The following CAND2 variants were observed in gnomAD, a reference collection of about 807,000 sequenced individuals.
CAND2 encodes cullin associated and neddylation dissociated 2 (putative).
CAND2 carries 62 observed loss-of-function variants against 98.9 expected under a neutral mutation model. That is an observed-to-expected ratio of 0.63 (90% CI 0.51 to 0.77). CAND2 has a LOEUF of 0.77. Ranked by LOEUF, CAND2 falls within the 30% of genes least tolerant of loss-of-function variation. The pLI, the probability that CAND2 is intolerant of heterozygous loss-of-function variation, is 0.00. For missense variants in CAND2, 1,501 were observed against 1,655.2 expected, an observed-to-expected ratio of 0.91 and a Z score of 1.62; for synonymous variants, 770 against 731.9, an observed-to-expected ratio of 1.05 and a Z score of -0.84.
chr3:12,831,721 A>C, intron 14 of CAND2, 149 bp downstream of exon 14: 1 of 593,306 alleles, frequency 1.7e-6, no homozygotes, highest in Non-Finnish European at 3.0e-6. Flanking sequence ...CCTATAAAGT[A>C]CCTCTTATTA....
intron 10 of CAND2, among the ~76,000 whole-genome samples, chr3:12,818,481 T>G (rs2061928257): frequency 6.6e-6 from 1 of 152,242 alleles, no homozygotes; most frequent in Admixed American, 6.5e-5. Flanking sequence ...TGGAGAGGGC[T>G]GGGCAAGAAC....
intron 11 of CAND2, 88 bp from the exon 12 acceptor site, chr3:12,825,382 G>C: frequency 2.3e-6 from 3 of 1,325,988 alleles, no homozygotes; most frequent in South Asian, 1.4e-5. Context: ...TTCTGCACGT[G>C]CACAGTAACC....
At chr3:12,797,643 T>C (rs559358769) in intron 1 of CAND2, among the ~76,000 whole-genome samples, 3 of 152,290 alleles carry the variant, frequency 2.0e-5, no homozygotes, top group Admixed American at 1.3e-4. Flanking sequence ...TGGCCCGTGG[T>C]CTCATGGCCA....
chr3:12,798,686 C>A (rs2061744065), intron 1 of CAND2, among the ~76,000 whole-genome samples: 1 of 152,180 alleles, frequency 6.6e-6, no homozygotes. Context: ...AGGGAGTTGG[C>A]CCTGCCAGCT....
intron 5 of CAND2, among the ~76,000 whole-genome samples, chr3:12,812,343 C>T (rs369542035): frequency 1.3e-5 from 2 of 150,760 alleles, no homozygotes; most frequent in Non-Finnish European, 3.0e-5. Flanking sequence ...CCTGCCTCAG[C>T]CTCCTGAATA....
At position 12,816,299 on chromosome 3, in the gene CAND2, C is replaced by A. The variant is rs1575772220; in HGVS notation, c.1442-75C>A. 5 of 1,433,108 alleles carry A rather than the reference C, an allele frequency of 3.5e-6. No individual in the cohort carries two copies. The East Asian group carries it at 9.1e-5, about 26-fold the overall frequency. The allele number at this position is 1,433,108 out of a possible 1,614,324, so 88.8% of individuals were successfully genotyped here. On this transcript the variant is annotated intron_variant, in intron 9 of 14. Coordinates refer to ENST00000456430, the MANE Select transcript of CAND2 (RefSeq NM_001162499.2). ...AGTCCAGCTCAGGCACTTGTAGGTA[C>A]CCCAGCCTTGCTTCCAGGGAGGGCC...
chr3:12,807,043 A>G, intron 2 of CAND2: 1 of 364,372 alleles, frequency 2.7e-6, no homozygotes, highest in Non-Finnish European at 4.9e-6. Context: ...TGCACCCTCA[A>G]GTTTGAGAAC....
rs73813555 is a variant in CAND2 at position 12,798,637 on chromosome 3, C to T, written c.68+1849C>T. Reference sequence around the variant, plus strand: ...GCTGGCTAGTGGCCTAGGGGATTTGCGCTAGTGTCTCTCAGGCCTCTGGTC... The same window carrying T: ...GCTGGCTAGTGGCCTAGGGGATTTGTGCTAGTGTCTCTCAGGCCTCTGGTC... On this transcript the variant is annotated intron_variant, in intron 1 of 14. Transcript: ENST00000456430. Among the ~76,000 whole-genome samples the T allele has an allele frequency of 3.4e-3, 517 of 152,250 alleles. 3 individuals carry two copies. Among genetic ancestry groups the T allele is most frequent in the African/African-American group, 0.011 (466 of 41,542 alleles).
chr3:12,824,758 A>G (rs924334600), intron 11 of CAND2, among the ~76,000 whole-genome samples: 1 of 152,138 alleles, frequency 6.6e-6, no homozygotes, highest in African/African-American at 2.4e-5. Context: ...AAATACAAAA[A>G]TTAGCCAGGC....
intron 12 of CAND2, 146 bp downstream of exon 12, chr3:12,825,785 C>A: frequency 1.2e-6 from 1 of 826,890 alleles, no homozygotes; most frequent in Non-Finnish European, 1.9e-6. Context: ...AGCTGTGGGA[C>A]CCCAGCCAGG....
At position 12,817,367 on chromosome 3, in the gene CAND2, C is replaced by T. The variant is rs1164964259; in HGVS notation, c.2435C>T (p.Ser812Leu). The change falls in exon 10 of 15, where the codon TCA becomes TTA. Residue 812 changes from serine to leucine, a missense_variant. Physicochemically the swap from Ser to Leu is moderately radical, Grantham distance 145. Transcript: ENST00000456430. ...HSLARCVAAL[S>L]AACPQEAAST... ...TTGGCCCGGTGTGTGGCAGCCCTCT[C>T]AGCTGCCTGTCCCCAAGAGGCGGCA... 1.9e-6 allele frequency: 3 copies of T among 1,613,730 alleles called. No homozygotes were observed. Among genetic ancestry groups the T allele is most frequent in the African/African-American group, 2.7e-5 (2 of 74,952 alleles).
chr3:12,825,549 C>A lies in CAND2; in HGVS notation c.3120C>A (p.His1040Gln). The change falls in exon 12 of 15, where the codon CAC (histidine) becomes CAA (glutamine). Residue 1040 changes from histidine (H) to glutamine (Q), a missense_variant. By Grantham distance (24) the His-to-Gln change is conservative (BLOSUM62 0). Coordinates refer to ENST00000456430, the MANE Select transcript of CAND2 (RefSeq NM_001162499.2). ...ATLAFFNSAV[H>Q]NKPSLVRDLL... ...TGGCTTTCTTCAACTCAGCTGTGCACAACAAGCCCTCGCTAGTCCGGGACC... is the reference window on the plus strand; with the variant it reads ...TGGCTTTCTTCAACTCAGCTGTGCAAAACAAGCCCTCGCTAGTCCGGGACC... The A allele has an allele frequency of 6.2e-7, 1 of 1,609,862 alleles. No homozygotes were observed. Among genetic ancestry groups the A allele is most frequent in the Non-Finnish European group, 8.5e-7 (1 of 1,178,338 alleles).
rs191368596 is a variant in CAND2 at position 12,817,234 on chromosome 3, C to T, written c.2302C>T (p.Arg768Cys). 38 of 1,613,810 alleles carry T rather than the reference C, an allele frequency of 2.4e-5. No homozygotes were observed. Among genetic ancestry groups the T allele is most frequent in the Admixed American group, 1.5e-4 (9 of 60,022 alleles). Residue 768 changes from arginine to cysteine, a missense_variant, in exon 10 of 15, where the codon CGT becomes TGT. This residue lies in a region of CAND2 where 1,427 missense variants were observed against 1,545.3 expected (regional missense o/e 0.92). Coordinates refer to ENST00000456430, the MANE Select transcript of CAND2 (RefSeq NM_001162499.2). The stretch of plus-strand genomic sequence containing the variant: ...CTTCCTGCAGGCCCTGGTAGGGACC[C>T]GTCCCCCGTGTGTGGACTATGCCAA... ...EGFLQALVGT[R>C]PPCVDYAKLI...
intron 11 of CAND2, 37 bp from the exon 12 acceptor site, chr3:12,825,433 C>T: frequency 6.5e-7 from 1 of 1,531,766 alleles, no homozygotes; most frequent in South Asian, 1.2e-5. Flanking sequence ...TGTGCTTTGG[C>T]TGTGCATCCC....
At chr3:12,810,517 C>T (rs1407801261) in intron 5 of CAND2, among the ~76,000 whole-genome samples, 193 bp downstream of exon 5, 2 of 152,130 alleles carry the variant, frequency 1.3e-5, no homozygotes, top group Admixed American at 1.3e-4. Flanking sequence ...GCGGCTGAAG[C>T]CCCTGAAACG....
chr3:12,797,294 C>G (rs909365600), intron 1 of CAND2, among the ~76,000 whole-genome samples: 1 of 151,698 alleles, frequency 6.6e-6, no homozygotes, highest in East Asian at 1.9e-4. Context: ...CAACCCCCAG[C>G]TGACTTTCTC....
At chr3:12,810,695 C>G (rs2061845505) in intron 5 of CAND2, among the ~76,000 whole-genome samples, 1 of 152,236 alleles carries the variant, frequency 6.6e-6, no homozygotes, top group Admixed American at 6.5e-5. Flanking sequence ...AGTCATGCCA[C>G]TAAACTGTTA....
chr3:12,804,455 A>T (rs962928608), intron 2 of CAND2, among the ~76,000 whole-genome samples: 4 of 152,030 alleles, frequency 2.6e-5, no homozygotes, highest in Non-Finnish European at 5.9e-5. Flanking sequence ...AAGAGCAAAA[A>T]TTCCATCTCA....
chr3:12,803,579 C>T lies in CAND2; in HGVS notation c.160C>T (p.Leu54Phe), dbSNP rs781355754. ...DSERKVVKML[L>F]RLLEDKNGEV... ...CGAGCGCAAGGTGGTGAAGATGCTG[C>T]TCCGGCTCCTGGAGGACAAGAACGG... Residue 54 changes from leucine (L) to phenylalanine (F), a missense_variant, in exon 2 of 15, where the codon CTC (leucine) becomes TTC (phenylalanine). Around this residue, in one of 3 missense-constraint regions of CAND2, gnomAD observed 62 missense variants for 77.3 expected, o/e 0.80. Coordinates refer to ENST00000456430, the MANE Select transcript of CAND2 (RefSeq NM_001162499.2). 3 of 1,613,436 alleles carry T rather than the reference C, an allele frequency of 1.9e-6. No homozygotes were observed. Among genetic ancestry groups the T allele is most frequent in the South Asian group, 2.2e-5 (2 of 91,012 alleles).
Sources: allele counts gnomAD v4.1 joint callset (sites outside exome capture counted in the v4.1 genomes callset), GRCh38; gene constraint gnomAD v4.1.1; regional missense constraint gnomAD v4.1.1; transcripts MANE v1.5; gene names NCBI Gene and HGNC (gene_info 2026-07-23, HGNC 2026-07-21).